SLC41A2: variants seen among roughly 807,000 people sequenced by gnomAD.
The protein encoded by SLC41A2 is solute carrier family 41 member 2.
In SLC41A2, 32 loss-of-function variants were observed where a neutral mutation model predicts 58.3. The observed-to-expected ratio is 0.55, with a 90% CI of 0.41 to 0.74. The LOEUF is 0.74. Among genes scored for constraint, SLC41A2 ranks in the 30% least tolerant of loss-of-function variants. The pLI is 0.00. For missense variants in SLC41A2, 514 were observed against 680.6 expected (o/e 0.76, Z 2.72); for synonymous variants, 190 against 235.0 (o/e 0.81, Z 1.75).
At chr12:104,912,787 T>C (rs1318553999) in intron 2 of SLC41A2, among the ~76,000 whole-genome samples, 1 of 152,154 alleles carries the variant, frequency 6.6e-6, no homozygotes, top group Non-Finnish European at 1.5e-5. Flanking sequence ...GACAGTCTTT[T>C]GGACTGAGCC....
chr12:104,852,016 C>T (rs2042818725), intron 8 of SLC41A2: 1 of 152,168 alleles, frequency 6.6e-6, no homozygotes, highest in African/African-American at 2.4e-5. Context: ...TAGCTTATAC[C>T]TCTAAGTGAA....
At chr12:104,956,510 C>G (rs2048173441) in intron 1 of SLC41A2, among the ~76,000 whole-genome samples, 1 of 152,058 alleles carries the variant, frequency 6.6e-6, no homozygotes, top group African/African-American at 2.4e-5. Context: ...GAAACCACGT[C>G]TCTACTAAAA....
At chr12:104,889,801 T>G (rs539647881) in intron 4 of SLC41A2, among the ~76,000 whole-genome samples, 2 of 152,254 alleles carry the variant, frequency 1.3e-5, no homozygotes, top group African/African-American at 4.8e-5. Flanking sequence ...TATGAAAATT[T>G]CAGTTCCTAA....
chr12:104,948,848 A>G (rs368809885), intron 1 of SLC41A2, among the ~76,000 whole-genome samples: 7 of 152,348 alleles, frequency 4.6e-5, no homozygotes, highest in African/African-American at 1.7e-4. Flanking sequence ...AAGAATGGAA[A>G]CAGCTCCTTC....
At chr12:104,891,062 A>G (rs1317527062) in intron 4 of SLC41A2, among the ~76,000 whole-genome samples, 2 of 150,172 alleles carry the variant, frequency 1.3e-5, no homozygotes, top group East Asian at 3.9e-4. Context: ...GGAAGAAAAA[A>G]CCCTCTCCCC....
chr12:104,932,157 A>T (rs931252625), intron 1 of SLC41A2, among the ~76,000 whole-genome samples: 2 of 152,268 alleles, frequency 1.3e-5, no homozygotes, highest in East Asian at 3.9e-4. Flanking sequence ...CTTATTGACA[A>T]GGTCTATTAT....
intron 6 of SLC41A2, among the ~76,000 whole-genome samples, chr12:104,867,413 A>G (rs1040505653): frequency 1.3e-5 from 2 of 152,092 alleles, no homozygotes; most frequent in African/African-American, 4.8e-5. Flanking sequence ...TTAAAGGCAG[A>G]GTTTGCCTCG....
intron 8 of SLC41A2, among the ~76,000 whole-genome samples, chr12:104,855,799 T>C (rs2136393210): frequency 6.6e-6 from 1 of 152,286 alleles, no homozygotes; most frequent in South Asian, 2.1e-4. Flanking sequence ...AAGTATGCGA[T>C]TGGGGATATC....
At chr12:104,945,687 T>C (rs1402622604) in intron 1 of SLC41A2, among the ~76,000 whole-genome samples, 2 of 152,214 alleles carry the variant, frequency 1.3e-5, no homozygotes, top group African/African-American at 2.4e-5. Context: ...TTCCATTTCA[T>C]AACATATCCA....
At chr12:104,884,085 G>A (rs796113335) in intron 6 of SLC41A2, among the ~76,000 whole-genome samples, 6 of 152,318 alleles carry the variant, frequency 3.9e-5, no homozygotes, top group African/African-American at 1.4e-4. Context: ...CCACCTCGCA[G>A]TTCCATCTCA....
intron 8 of SLC41A2, among the ~76,000 whole-genome samples, chr12:104,847,723 T>C (rs887943720): frequency 2.6e-5 from 4 of 152,058 alleles, no homozygotes; most frequent in Admixed American, 1.3e-4. Flanking sequence ...ATCTCATTCA[T>C]TGAGTACACA....
At chr12:104,851,205 A>C (rs1344155784) in intron 8 of SLC41A2, among the ~76,000 whole-genome samples, 1 of 152,166 alleles carries the variant, frequency 6.6e-6, no homozygotes, top group Non-Finnish European at 1.5e-5. Context: ...ATTTATGTAA[A>C]TAATGTGATT....
At chr12:104,839,725 G>A (rs1040268476) in intron 10 of SLC41A2, among the ~76,000 whole-genome samples, 4 of 151,964 alleles carry the variant, frequency 2.6e-5, no homozygotes, top group Non-Finnish European at 4.4e-5. Flanking sequence ...GGCTGGTCTC[G>A]AACTCCTGAC....
chr12:104,885,389 T>C (rs1301250156), intron 6 of SLC41A2, among the ~76,000 whole-genome samples: 2 of 152,208 alleles, frequency 1.3e-5, no homozygotes, highest in South Asian at 4.1e-4. Context: ...AGCCCTTTCT[T>C]TATTTCAAGA....
At chr12:104,947,534 C>A (rs1165791444) in intron 1 of SLC41A2, among the ~76,000 whole-genome samples, 1 of 151,600 alleles carries the variant, frequency 6.6e-6, no homozygotes, top group Non-Finnish European at 1.5e-5. Flanking sequence ...CTATTTTGTT[C>A]TAATTTTCTA....
At chr12:104,926,405 A>C (rs2046842190) in intron 2 of SLC41A2, among the ~76,000 whole-genome samples, 1 of 152,042 alleles carries the variant, frequency 6.6e-6, no homozygotes. Context: ...GATTGAGACC[A>C]GCCTAACCAA....
At chr12:104,840,935 G>A (rs2042387057) in intron 10 of SLC41A2, among the ~76,000 whole-genome samples, 2 of 151,878 alleles carry the variant, frequency 1.3e-5, no homozygotes, top group South Asian at 4.2e-4. Flanking sequence ...TCAGCTACAA[G>A]ACCAAAATTG....
At chr12:104,916,505 C>A (rs1301194042) in intron 2 of SLC41A2, among the ~76,000 whole-genome samples, 1 of 152,026 alleles carries the variant, frequency 6.6e-6, no homozygotes, top group Non-Finnish European at 1.5e-5. Flanking sequence ...AAAAAGAGCC[C>A]GCATCGCCAA....
chr12:104,811,669 A>G (rs926572354), intron 10 of SLC41A2, among the ~76,000 whole-genome samples: 2 of 152,202 alleles, frequency 1.3e-5, no homozygotes, highest in African/African-American at 4.8e-5. Flanking sequence ...CTTATTTCCT[A>G]TTACTTCCTG....
Sources: allele counts gnomAD v4.1 joint callset (sites outside exome capture counted in the v4.1 genomes callset), GRCh38; gene constraint gnomAD v4.1.1; transcripts MANE v1.5; gene names NCBI Gene and HGNC (gene_info 2026-07-23, HGNC 2026-07-21).